CLSTN1: variants seen among roughly 807,000 people sequenced by gnomAD.
CLSTN1 encodes the protein calsyntenin-1.
Under a neutral mutation model 108.3 loss-of-function variants are expected in CLSTN1, and 28 were observed. The ratio of observed to expected loss-of-function variants is 0.26; its 90% CI spans 0.19 to 0.35. CLSTN1 has a LOEUF of 0.35. Ranked by LOEUF, CLSTN1 falls within the 10% of genes least tolerant of loss-of-function variation. The pLI is 1.00. For missense variants in CLSTN1, 1,157 were observed against 1,302.6 expected (o/e 0.89, Z 1.72); for synonymous variants, 524 against 534.9 (o/e 0.98, Z 0.28).
intron 1 of CLSTN1, among the ~76,000 whole-genome samples, chr1:9,791,540 CTTTT>C (rs916762391): frequency 6.7e-6 from 1 of 150,104 alleles, no homozygotes; most frequent in Non-Finnish European, 1.5e-5. Context: ...GGCCCAAATC[CTTTT>C]TTTTTGAGAT....
At chr1:9,798,492 T>C (rs963847869) in intron 1 of CLSTN1, among the ~76,000 whole-genome samples, 1 of 152,138 alleles carries the variant, frequency 6.6e-6, no homozygotes, top group African/African-American at 2.4e-5. Flanking sequence ...ACATAAAAGG[T>C]CACGTATCAC....
At chr1:9,816,517 T>TTCA (rs1654976944) in intron 1 of CLSTN1, among the ~76,000 whole-genome samples, 1 of 149,628 alleles carries the variant, frequency 6.7e-6, no homozygotes, top group Non-Finnish European at 1.5e-5. Context: ...ATGTGAACTA[T>TTCA]ACCTCAATAA....
At chr1:9,733,347 G>A (rs965844355) in intron 16 of CLSTN1, 54 bp downstream of exon 16, 132 of 1,599,820 alleles carry the variant, frequency 8.3e-5, no homozygotes, top group Non-Finnish European at 1.0e-4. Flanking sequence ...CTGCAAATCA[G>A]CGCCCTCACT....
intron 1 of CLSTN1, among the ~76,000 whole-genome samples, chr1:9,819,722 T>C (rs571840082): frequency 6.6e-6 from 1 of 152,346 alleles, no homozygotes; most frequent in East Asian, 1.9e-4. Context: ...TCAAAATTGT[T>C]CGTATTTTAT....
In CLSTN1 at chr1:9,758,121, G is replaced by T. The variant is rs377171284; in HGVS notation, c.215-1611C>A. Among the ~76,000 whole-genome samples, 335 of 152,112 alleles carry T rather than the reference G, an allele frequency of 2.2e-3. 1 individual carries two copies. The highest frequency in any genetic ancestry group is 7.8e-3 in the African/African-American group (324 of 41,500). On this transcript the variant is annotated intron_variant, in intron 2 of 18. Coordinates refer to ENST00000377298, the MANE Select transcript of CLSTN1 (RefSeq NM_001009566.3). Reference sequence around the variant, plus strand: ...CGATTCTCCTGCCTCAGCTTCCTCAGTAGCTGGGATTACAGGCATGCACCA... The same window carrying T: ...CGATTCTCCTGCCTCAGCTTCCTCATTAGCTGGGATTACAGGCATGCACCA...
chr1:9,816,118 A>G lies in CLSTN1; in HGVS notation c.91+7525T>C, dbSNP rs906533689. ...AGTGGAAATAACCCAAATGTCCATC[A>G]GTGAATAAATGGATAAACAGAATGT... On this transcript the variant is annotated intron_variant, in intron 1 of 18. Transcript: ENST00000377298. 1.2e-4 allele frequency among the ~76,000 whole-genome samples: 18 copies of G among 152,318 alleles called. No individual in the cohort carries two copies. The South Asian group carries it at 2.9e-3, about 25-fold the overall frequency.
At chr1:9,813,030 G>A (rs1654827349) in intron 1 of CLSTN1, among the ~76,000 whole-genome samples, 1 of 148,832 alleles carries the variant, frequency 6.7e-6, no homozygotes, top group Non-Finnish European at 1.5e-5. Context: ...CAGGCATGGT[G>A]GCGGGTGCCT....
chr1:9,777,767 T>G (rs1226179915), intron 1 of CLSTN1, among the ~76,000 whole-genome samples: 1 of 152,108 alleles, frequency 6.6e-6, no homozygotes, highest in Admixed American at 6.6e-5. Context: ...GCTGCCTTGC[T>G]CCCCTTAACA....
At chr1:9,795,052 T>C (rs1653929317) in intron 1 of CLSTN1, among the ~76,000 whole-genome samples, 1 of 151,238 alleles carries the variant, frequency 6.6e-6, no homozygotes, top group Non-Finnish European at 1.5e-5. Context: ...ATCAAGATTC[T>C]GTCTTTGCAC....
intron 2 of CLSTN1, among the ~76,000 whole-genome samples, chr1:9,764,637 T>TAAAAAAAAAAAAAAA (rs70998307): frequency 1.2e-5 from 1 of 82,332 alleles, no homozygotes; most frequent in Non-Finnish European, 2.3e-5. Context: ...GCTCCATCTT[T>TAAAAAAAAAAAAAAA]AAAAAAAAAA....
chr1:9,800,724 C>T (rs1271405966), intron 1 of CLSTN1, among the ~76,000 whole-genome samples: 2 of 134,560 alleles, frequency 1.5e-5, no homozygotes, highest in African/African-American at 6.2e-5. Flanking sequence ...AGTGAGATTC[C>T]ATCTCAAAAA....
At chr1:9,771,978 C>CT (rs750410911) in intron 2 of CLSTN1, among the ~76,000 whole-genome samples, 299 of 144,310 alleles carry the variant, frequency 2.1e-3, no homozygotes, top group Admixed American at 2.1e-3. Flanking sequence ...AAATAGAACA[C>CT]TTTTTTTTTT....
Position 9,782,962 on chromosome 1 carries a change from G to A in CLSTN1, c.92-9568C>T, listed in dbSNP as rs373782618. 1.8e-4 allele frequency among the ~76,000 whole-genome samples: 27 copies of A among 152,300 alleles called. No individual in the cohort carries two copies. The East Asian group carries it at 2.7e-3, about 15-fold the overall frequency. The stretch of plus-strand genomic sequence containing the variant: ...GCGGAGGCTGCAGTAAGCTGAGATC[G>A]CGCCATCGCACTCCAGCCTGGGTGA... On this transcript the variant is annotated intron_variant, in intron 1 of 18. Coordinates refer to ENST00000377298, the MANE Select transcript of CLSTN1 (RefSeq NM_001009566.3).
intron 1 of CLSTN1, chr1:9,781,317 C>T: frequency 3.2e-6 from 2 of 628,426 alleles, no homozygotes; most frequent in Non-Finnish European, 5.8e-6. Context: ...CGAGAATGTA[C>T]AATGATACTG....
At chr1:9,742,911 A>G (rs1029177464) in intron 9 of CLSTN1, among the ~76,000 whole-genome samples, 9 of 148,830 alleles carry the variant, frequency 6.0e-5, no homozygotes, top group South Asian at 2.1e-4. Context: ...GTCTCGGGGG[A>G]AAAAAAAAAG....
chr1:9,745,269 A>G (rs375299060), intron 7 of CLSTN1, among the ~76,000 whole-genome samples: 2 of 151,482 alleles, frequency 1.3e-5, no homozygotes, highest in East Asian at 3.9e-4. Flanking sequence ...GAAAGGAAGC[A>G]TTTCTTGTAA....
chr1:9,731,425 C>G, intron 17 of CLSTN1, 35 bp from the exon 18 acceptor site: 1 of 1,607,402 alleles, frequency 6.2e-7, no homozygotes, highest in African/African-American at 1.3e-5. Context: ...TGCGAGGTCA[C>G]TCGGCCCAGA....
intron 1 of CLSTN1, among the ~76,000 whole-genome samples, chr1:9,820,691 C>A (rs1263600403): frequency 6.6e-6 from 1 of 152,174 alleles, no homozygotes; most frequent in Non-Finnish European, 1.5e-5. Flanking sequence ...ACAATACTGG[C>A]ATGCCTCTGG....
chr1:9,779,588 CA>C (rs961099854), intron 1 of CLSTN1, among the ~76,000 whole-genome samples: 7 of 147,754 alleles, frequency 4.7e-5, no homozygotes, highest in South Asian at 2.1e-4. Flanking sequence ...TCTCAAAAAA[CA>C]AAAAAAAAAG....
Sources: gnomAD v4.1 joint callset for allele counts (sites outside exome capture counted in the v4.1 genomes callset) on GRCh38, gnomAD v4.1.1 for gene constraint, MANE v1.5 for transcripts, NCBI Gene and HGNC (gene_info 2026-07-23, HGNC 2026-07-21) for gene names.